Variants in CDK12 observed in about 807,000 individuals in gnomAD.
CDK12 encodes cyclin dependent kinase 12.
CDK12 carries 17 observed loss-of-function variants against 133.8 expected under a neutral mutation model. That is an observed-to-expected ratio of 0.13 (90% CI 0.09 to 0.19). CDK12 has a LOEUF of 0.19. Ranked by LOEUF, CDK12 falls within the 10% of genes least tolerant of loss-of-function variation. The pLI, the probability that CDK12 is intolerant of heterozygous loss-of-function variation, is 1.00. For missense variants in CDK12, 1,508 were observed against 1,818.7 expected, an observed-to-expected ratio of 0.83 and a Z score of 3.11; for synonymous variants, 694 against 683.6, an observed-to-expected ratio of 1.02 and a Z score of -0.24.
At chr17:39,469,096 G>A (rs1163369785) in intron 1 of CDK12, among the ~76,000 whole-genome samples, 1 of 152,186 alleles carries the variant, frequency 6.6e-6, no homozygotes, top group Non-Finnish European at 1.5e-5. Context: ...GAAGTGCTGG[G>A]ATTACAGGCG....
At chr17:39,483,985 G>A (rs532383626) in intron 2 of CDK12, among the ~76,000 whole-genome samples, 9 of 152,088 alleles carry the variant, frequency 5.9e-5, no homozygotes, top group East Asian at 1.9e-4. Flanking sequence ...TGGGATTACA[G>A]GCATGAGCTA....
At chr17:39,541,679 C>T (rs1223301010) in intron 1 of CDK12, among the ~76,000 whole-genome samples, 1 of 152,134 alleles carries the variant, frequency 6.6e-6, no homozygotes, top group African/African-American at 2.4e-5. Flanking sequence ...TAAAGGAAGG[C>T]CTCCTTCTGA....
At chr17:39,479,434 A>G (rs992818508) in intron 2 of CDK12, among the ~76,000 whole-genome samples, 1 of 151,782 alleles carries the variant, frequency 6.6e-6, no homozygotes, top group African/African-American at 2.4e-5. Flanking sequence ...CATTTTTAGT[A>G]TGTTGTGGGT....
rs2051525838 is a variant in CDK12, at chr17:39,490,750, ATCTG to A, written c.2108+21_2108+24del. ...GAGACCAAAGTGAGTTTTTGGAGGA[ATCTG>A]TCTTTCATGATAGTTTTCTCCCTTC... On this transcript the variant is annotated intron_variant, in intron 3 of 13. Coordinates refer to ENST00000447079, the MANE Select transcript of CDK12 (RefSeq NM_016507.4). 1 of 1,574,898 alleles carries A rather than the reference ATCTG, an allele frequency of 6.3e-7. No individual in the cohort carries two copies. Among genetic ancestry groups the A allele is most frequent in the Non-Finnish European group, 8.7e-7 (1 of 1,154,216 alleles).
At chr17:39,495,384 GTTTTTTTTTTTTT>G (rs60185847) in intron 5 of CDK12, among the ~76,000 whole-genome samples, 1 of 110,690 alleles carries the variant, frequency 9.0e-6, no homozygotes, top group African/African-American at 3.7e-5. Context: ...GGCCTCATGT[GTTTTTTTTTTTTT>G]TTTTTTTTTT....
exon 4 of CDK12, chr17:39,564,824 G>A (rs758937017): frequency 2.0e-5 from 3 of 152,294 alleles, no homozygotes; most frequent in Admixed American, 6.5e-5. Flanking sequence ...TACAACTGAG[G>A]AAGAACTTCT....
intron 2 of CDK12, among the ~76,000 whole-genome samples, chr17:39,488,870 G>C (rs941644561): frequency 4.6e-5 from 7 of 151,834 alleles, no homozygotes; most frequent in Non-Finnish European, 8.8e-5. Context: ...CCCACCCCAG[G>C]ACTGCCGGTT....
At chr17:39,524,472 C>T (rs151250715) in intron 11 of CDK12, among the ~76,000 whole-genome samples, 154 of 152,320 alleles carry the variant, frequency 1.0e-3, no homozygotes, top group Non-Finnish European at 1.9e-3. Context: ...AACTTTCGTA[C>T]TTTTATTTCC....
At chr17:39,487,480 A>T (rs2051221335) in intron 2 of CDK12, among the ~76,000 whole-genome samples, 1 of 152,112 alleles carries the variant, frequency 6.6e-6, no homozygotes, top group African/African-American at 2.4e-5. Context: ...AGGTTCTCAG[A>T]TCTTTTTCAA....
intron 4 of CDK12, among the ~76,000 whole-genome samples, chr17:39,494,259 G>GAC (rs1465866420): frequency 6.6e-6 from 1 of 152,046 alleles, no homozygotes; most frequent in Non-Finnish European, 1.5e-5. Context: ...TTTTAATAGA[G>GAC]ACGGGGTTTC....
Position 39,511,330 on chromosome 17 carries a change from G to A in CDK12, c.2667-199G>A, listed in dbSNP as rs537833750. Among the ~76,000 whole-genome samples the A allele has an allele frequency of 1.4e-3, 220 of 151,772 alleles. 2 individuals carry two copies. Among genetic ancestry groups the A allele is most frequent in the African/African-American group, 5.0e-3 (208 of 41,406 alleles). On this transcript the variant is annotated intron_variant, in intron 7 of 13. Coordinates refer to ENST00000447079, the MANE Select transcript of CDK12 (RefSeq NM_016507.4). The stretch of plus-strand genomic sequence containing the variant: ...CCCAAAGTGCTGGTATTACAGGCAT[G>A]AGCCACCACGCCAGGCATGGAAGTT...
intron 2 of CDK12, among the ~76,000 whole-genome samples, chr17:39,479,682 A>G (rs2050484232): frequency 6.7e-6 from 1 of 150,334 alleles, no homozygotes; most frequent in Non-Finnish European, 1.5e-5. Flanking sequence ...GCTAGGATGC[A>G]GTGGCATGAT....
intron 3 of CDK12, among the ~76,000 whole-genome samples, chr17:39,560,023 C>T (rs2056319401): frequency 6.6e-6 from 1 of 152,120 alleles, no homozygotes; most frequent in Non-Finnish European, 1.5e-5. Context: ...TCTCAAACTC[C>T]TAGCCGCAAG....
intron 8 of CDK12, among the ~76,000 whole-genome samples, chr17:39,511,879 T>G (rs2053526695): frequency 6.6e-6 from 1 of 152,202 alleles, no homozygotes; most frequent in South Asian, 2.1e-4. Flanking sequence ...GATACCCAAG[T>G]AAGGTTCATA....
At chr17:39,523,040 G>GATA (rs1004751687) in intron 11 of CDK12, among the ~76,000 whole-genome samples, 8 of 151,886 alleles carry the variant, frequency 5.3e-5, no homozygotes, top group African/African-American at 1.2e-4. Flanking sequence ...ACCATAGAGT[G>GATA]ATACTCCATC....
At chr17:39,473,899 A>G (rs1017381733) in intron 2 of CDK12, among the ~76,000 whole-genome samples, 1 of 151,018 alleles carries the variant, frequency 6.6e-6, no homozygotes, top group Admixed American at 6.6e-5. Context: ...AAAAAAAAAG[A>G]AAGAAAAATT....
chr17:39,514,885 G>T (rs563250385), intron 8 of CDK12, among the ~76,000 whole-genome samples: 1 of 151,798 alleles, frequency 6.6e-6, no homozygotes, highest in Admixed American at 6.6e-5. Flanking sequence ...TCCTCTACCC[G>T]TACCCTCCCA....
intron 3 of CDK12, among the ~76,000 whole-genome samples, chr17:39,491,924 C>T (rs369953218): frequency 1.7e-4 from 25 of 148,558 alleles, no homozygotes; most frequent in Admixed American, 6.8e-5. Flanking sequence ...GTCAAGAGAT[C>T]GAGACCATCT....
chr17:39,521,206 C>T (rs2146602217), intron 11 of CDK12, among the ~76,000 whole-genome samples: 1 of 152,062 alleles, frequency 6.6e-6, no homozygotes, highest in South Asian at 2.1e-4. Flanking sequence ...GTCTTGAACT[C>T]CTGCCCATCT....
Sources: gnomAD v4.1 joint callset for allele counts (sites outside exome capture counted in the v4.1 genomes callset) on GRCh38, gnomAD v4.1.1 for gene constraint, MANE v1.5 for transcripts, NCBI Gene and HGNC (gene_info 2026-07-23, HGNC 2026-07-21) for gene names.